ATP8B4: variants seen among roughly 807,000 people sequenced by gnomAD.
The protein encoded by ATP8B4 is ATPase phospholipid transporting 8B4 (putative), also known as probable phospholipid-transporting ATPase IM.
A neutral mutation model predicts 145.6 loss-of-function variants in ATP8B4; 133 were observed. The ratio of observed to expected loss-of-function variants is 0.91; its 90% CI spans 0.79 to 1.05. ATP8B4 has a LOEUF of 1.05. Among genes scored for constraint, ATP8B4 ranks in the 50% least tolerant of loss-of-function variants. ATP8B4 has a pLI of 0.00. For synonymous variants in ATP8B4, 507 were observed against 492.9 expected, an observed-to-expected ratio of 1.03 and a Z score of -0.38; for missense variants, 1,458 against 1,425.2, an observed-to-expected ratio of 1.02 and a Z score of -0.37.
chr15:49,860,578 A>G, intron 27 of ATP8B4, 103 bp from the exon 28 acceptor site: 7 of 1,326,686 alleles, frequency 5.3e-6, no homozygotes, highest in Non-Finnish European at 6.1e-6. Context: ...ATAAGTAAAA[A>G]CAACATTGCA....
Position 49,863,444 on chromosome 15 carries a change from GA to G in ATP8B4, c.3167-1070del, listed in dbSNP as rs1195790680. Among the ~76,000 whole-genome samples the G allele has an allele frequency of 7.9e-5, 12 of 152,264 alleles. No individual in the cohort carries two copies. In the East Asian group the frequency reaches 1.9e-3, roughly 24 times the overall value. On this transcript the variant is annotated intron_variant, in intron 26 of 27. Coordinates refer to ENST00000284509, the MANE Select transcript of ATP8B4 (RefSeq NM_024837.4). ...TAAGGCAGGCAGACAAGCTCCATGG[GA>G]AGATGCCAACCCTGCTTATATCACC... is the stretch of plus-strand genomic sequence containing the variant.
At chr15:50,058,798 G>A (rs1263120250) in intron 3 of ATP8B4, among the ~76,000 whole-genome samples, 1 of 151,834 alleles carries the variant, frequency 6.6e-6, no homozygotes, top group Non-Finnish European at 1.5e-5. Flanking sequence ...GCCAGGTTGG[G>A]GAGTAAATCT....
In ATP8B4 at chr15:49,876,481, T is replaced by C; in HGVS notation, c.2824A>G (p.Lys942Glu). The change falls in exon 25 of 28, where the codon AAA becomes GAA. Residue 942 changes from lysine to glutamate, a missense_variant. Transcript: ENST00000284509. ...QNSVDCPQLY[K>E]PGQLNLLFNK... is the part of the protein sequence containing the mutation. ...AAAAGCAGATTCAGCTGTCCTGGTT[T>C]GTAGAGCTGGGGACAGTCCACGCTG... The C allele has an allele frequency of 1.2e-6, 2 of 1,614,158 alleles. No homozygotes were observed. The highest frequency in any genetic ancestry group is 1.7e-6 in the Non-Finnish European group (2 of 1,179,976).
chr15:50,152,444 T>G (rs1307726375), intron 1 of ATP8B4, among the ~76,000 whole-genome samples: 1 of 152,134 alleles, frequency 6.6e-6, no homozygotes, highest in Non-Finnish European at 1.5e-5. Flanking sequence ...TAAATGTAAT[T>G]GAAAGGAGAT....
At chr15:50,151,107 G>A (rs2044341466) in intron 1 of ATP8B4, among the ~76,000 whole-genome samples, 1 of 152,098 alleles carries the variant, frequency 6.6e-6, no homozygotes, top group Admixed American at 6.5e-5. Context: ...CAGCTTATAG[G>A]GCTTCAGGAA....
chr15:50,154,163 A>G (rs60706355), intron 1 of ATP8B4, among the ~76,000 whole-genome samples: 9,219 of 152,174 alleles, frequency 0.061, 342 homozygotes, highest in African/African-American at 0.1. Context: ...GCTTTGTCCT[A>G]TACTTTCTCT....
At chr15:49,904,102 T>C (rs964847920) in intron 20 of ATP8B4, among the ~76,000 whole-genome samples, 5 of 152,134 alleles carry the variant, frequency 3.3e-5, no homozygotes, top group Admixed American at 6.5e-5. Context: ...GACAGATCCA[T>C]GGCTGGAACC....
At chr15:50,092,529 T>C (rs914680324) in intron 2 of ATP8B4, among the ~76,000 whole-genome samples, 1 of 151,960 alleles carries the variant, frequency 6.6e-6, no homozygotes, top group Non-Finnish European at 1.5e-5. Context: ...AACGGAAATA[T>C]ATGTAAAAGA....
chr15:49,955,398 G>A (rs2043469641), intron 14 of ATP8B4, among the ~76,000 whole-genome samples: 1 of 152,200 alleles, frequency 6.6e-6, no homozygotes, highest in Non-Finnish European at 1.5e-5. Flanking sequence ...TGTTGAGGAT[G>A]TAGAAAGACT....
intron 10 of ATP8B4, among the ~76,000 whole-genome samples, chr15:49,982,097 TCTC>T (rs1418637266): frequency 2.0e-5 from 3 of 152,152 alleles, no homozygotes; most frequent in Non-Finnish European, 4.4e-5. Context: ...CTTCACATAT[TCTC>T]CTCATGATTT....
At chr15:50,119,752 CTTT>C (rs572570694), upstream of ATP8B4, among the ~76,000 whole-genome samples, 18,902 of 91,300 alleles carry the variant, frequency 0.21, 1,726 homozygotes, top group African/African-American at 0.28. Flanking sequence ...GTTTTTGTCA[CTTT>C]TTTTTTTTTT....
chr15:49,947,297 G>GAC (rs530728667), intron 14 of ATP8B4, among the ~76,000 whole-genome samples: 79 of 152,178 alleles, frequency 5.2e-4, no homozygotes, highest in African/African-American at 1.9e-3. Flanking sequence ...CGGGCGTGGT[G>GAC]ACACGTGCCT....
At chr15:50,080,833 G>T (rs1264444617) in intron 2 of ATP8B4, among the ~76,000 whole-genome samples, 1 of 152,100 alleles carries the variant, frequency 6.6e-6, no homozygotes, top group Admixed American at 6.5e-5. Context: ...GTCCTCATGG[G>T]CCGGGCGCAG....
At chr15:49,962,464 A>G (rs373475179) in intron 13 of ATP8B4, among the ~76,000 whole-genome samples, 19 of 152,334 alleles carry the variant, frequency 1.2e-4, no homozygotes, top group African/African-American at 4.1e-4. Flanking sequence ...TATCAAGATC[A>G]AATTAGCATG....
intron 2 of ATP8B4, among the ~76,000 whole-genome samples, chr15:50,092,772 CAG>C (rs1208361543): frequency 6.6e-6 from 1 of 151,768 alleles, no homozygotes; most frequent in Non-Finnish European, 1.5e-5. Context: ...TTGAGGAGAA[CAG>C]AGAGAATAGG....
chr15:49,911,238 G>C (rs144092975), intron 20 of ATP8B4, among the ~76,000 whole-genome samples: 1 of 152,100 alleles, frequency 6.6e-6, no homozygotes, highest in East Asian at 1.9e-4. Context: ...CCTGGATCTG[G>C]ATCTATAAAA....
chr15:50,075,348 A>G lies in ATP8B4; in HGVS notation c.29-1163T>C, dbSNP rs1171783877. Among the ~76,000 whole-genome samples the G allele has an allele frequency of 1.2e-4, 19 of 152,190 alleles. 1 individual carries two copies. Among genetic ancestry groups the G allele is most frequent in the Non-Finnish European group, 2.9e-5 (2 of 68,022 alleles). On this transcript the variant is annotated intron_variant, in intron 2 of 27. Coordinates refer to ENST00000284509, the MANE Select transcript of ATP8B4 (RefSeq NM_024837.4). The stretch of plus-strand genomic sequence containing the variant: ...TTGCATGCCAGGCACCATGAATTGT[A>G]AGAACAAATTTTTTCCAAAAGTGCA...
chr15:49,880,883 C>A (rs994885826), intron 23 of ATP8B4, among the ~76,000 whole-genome samples: 8 of 151,112 alleles, frequency 5.3e-5, no homozygotes, highest in African/African-American at 1.7e-4. Flanking sequence ...GAGGCCTAGG[C>A]GGGTGGATCA....
rs1212452322 is a variant in ATP8B4 at position 49,896,471 on chromosome 15, G to A, written c.2697+821C>T. 7.9e-5 allele frequency: 12 copies of A among 152,166 alleles called. No individual in the cohort carries two copies. The East Asian group carries it at 1.2e-3, about 15-fold the overall frequency. The allele number at this position is 152,166 out of a possible 1,614,324, so 9.4% of individuals were successfully genotyped here. A position where few individuals can be genotyped will look rare whatever the true frequency, so the allele number is the denominator to read the frequency against. On this transcript the variant is annotated intron_variant, in intron 23 of 27. Transcript: ENST00000284509. ...TTTAAAAATCACCTTCATGCATATC[G>A]TTGAATCCATGTCATTGATTAAACC... is the stretch of plus-strand genomic sequence containing the variant.
Sources: allele counts gnomAD v4.1 joint callset (sites outside exome capture counted in the v4.1 genomes callset), GRCh38; gene constraint gnomAD v4.1.1; transcripts MANE v1.5; gene names NCBI Gene and HGNC (gene_info 2026-07-23, HGNC 2026-07-21).